Variants in TFAP2D observed in about 807,000 individuals in gnomAD.
TFAP2D encodes the protein transcription factor AP-2 delta, also known as transcription factor AP-2-delta.
Under a neutral mutation model 43.6 loss-of-function variants are expected in TFAP2D, and 9 were observed. That is an observed-to-expected ratio of 0.21 (90% CI 0.12 to 0.36). TFAP2D has a LOEUF of 0.36. TFAP2D is among the 10% of genes least tolerant of loss of function. TFAP2D has a pLI of 1.00. For synonymous variants in TFAP2D, 256 were observed against 224.9 expected, an observed-to-expected ratio of 1.14 and a Z score of -1.24; for missense variants, 513 against 561.4, an observed-to-expected ratio of 0.91 and a Z score of 0.87.
chr6:50,725,696 T>A (rs2114035161), intron 3 of TFAP2D, among the ~76,000 whole-genome samples: 1 of 152,302 alleles, frequency 6.6e-6, no homozygotes, highest in Admixed American at 6.5e-5. Flanking sequence ...TTACCATCTG[T>A]AGTCTGGATT....
At chr6:50,729,521 C>G (rs563843268) in intron 5 of TFAP2D, among the ~76,000 whole-genome samples, 2 of 152,226 alleles carry the variant, frequency 1.3e-5, no homozygotes, top group East Asian at 3.9e-4. Flanking sequence ...ATTTACTAAT[C>G]TTGGTAGTAA....
At chr6:50,743,478 G>A (rs1237523738) in intron 5 of TFAP2D, among the ~76,000 whole-genome samples, 1 of 151,932 alleles carries the variant, frequency 6.6e-6, no homozygotes, top group African/African-American at 2.4e-5. Context: ...ACTTCATGGT[G>A]TCAAGCAATC....
chr6:50,751,042 C>T, intron 6 of TFAP2D, among the ~76,000 whole-genome samples, 169 bp from the exon 7 acceptor site: 1 of 151,940 alleles, frequency 6.6e-6, no homozygotes, highest in East Asian at 1.9e-4. Context: ...AGCAAAGTCA[C>T]CATTATGAAA....
chr6:50,749,034 T>G (rs942236945), intron 6 of TFAP2D, among the ~76,000 whole-genome samples: 1 of 151,812 alleles, frequency 6.6e-6, no homozygotes, highest in Non-Finnish European at 1.5e-5. Context: ...AGGAAAGTAG[T>G]CATAAAATCA....
chr6:50,771,595 T>C (rs1769529426), intron 7 of TFAP2D, among the ~76,000 whole-genome samples: 1 of 152,190 alleles, frequency 6.6e-6, no homozygotes, highest in Admixed American at 6.5e-5. Flanking sequence ...AATCTAAAGG[T>C]GTGTTTTCCA....
At chr6:50,767,658 G>A (rs890392413) in intron 7 of TFAP2D, among the ~76,000 whole-genome samples, 26 of 152,284 alleles carry the variant, frequency 1.7e-4, no homozygotes, top group African/African-American at 1.7e-4. Context: ...CAAAGAAATT[G>A]TGAGTTTCTT....
At chr6:50,737,111 G>C (rs1768975169) in intron 5 of TFAP2D, among the ~76,000 whole-genome samples, 1 of 152,056 alleles carries the variant, frequency 6.6e-6, no homozygotes, top group South Asian at 2.1e-4. Context: ...CTCCTGAGTA[G>C]CTGAGACCAC....
At position 50,743,619 on chromosome 6, in the gene TFAP2D, A is replaced by G. The variant is rs74731117; in HGVS notation, c.884-1488A>G. 6.2e-3 allele frequency among the ~76,000 whole-genome samples: 949 copies of G among 152,178 alleles called. 3 individuals are homozygous for G. Among genetic ancestry groups the G allele is most frequent in the Non-Finnish European group, 0.011 (721 of 68,006 alleles). ...AGGCTGGTCTTGAACTCCTGGGCTC[A>G]AGGGGTTCTCCCGCTTCTGCCTCCC... On this transcript the variant is annotated intron_variant, in intron 5 of 7. Coordinates refer to ENST00000008391, the MANE Select transcript of TFAP2D (RefSeq NM_172238.4).
At chr6:50,746,234 T>C (rs1410309664) in intron 6 of TFAP2D, among the ~76,000 whole-genome samples, 1 of 151,840 alleles carries the variant, frequency 6.6e-6, no homozygotes, top group African/African-American at 2.4e-5. Flanking sequence ...GTATTTTGTT[T>C]GTTTGTTTGT....
intron 7 of TFAP2D, among the ~76,000 whole-genome samples, chr6:50,751,821 T>C (rs1769205109): frequency 6.6e-6 from 1 of 151,920 alleles, no homozygotes; most frequent in African/African-American, 2.4e-5. Flanking sequence ...TTTTTTAAAA[T>C]TCCAAGCTTG....
Position 50,713,999 on chromosome 6 carries a change from T to C in TFAP2D, c.-57T>C, listed in dbSNP as rs912134437. ...AATACAAGAAGTTTGGATTTTTTTTTCCCGATTCTTTTTTTGGAGGGGGAA... is the reference window on the plus strand; with the variant it reads ...AATACAAGAAGTTTGGATTTTTTTTCCCCGATTCTTTTTTTGGAGGGGGAA... On this transcript the variant is annotated 5_prime_UTR_variant, in exon 1 of 8. Transcript: ENST00000008391. 5.3e-5 allele frequency: 86 copies of C among 1,607,534 alleles called. No homozygotes were observed. Among genetic ancestry groups the C allele is most frequent in the Admixed American group, 1.0e-4 (6 of 58,808 alleles).
chr6:50,737,585 A>G (rs1471955085), intron 5 of TFAP2D, among the ~76,000 whole-genome samples: 3 of 152,158 alleles, frequency 2.0e-5, no homozygotes, highest in Non-Finnish European at 4.4e-5. Context: ...GAAGAAAACA[A>G]ATGTTATTAG....
intron 3 of TFAP2D, among the ~76,000 whole-genome samples, chr6:50,719,792 T>C (rs1476316679): frequency 1.3e-5 from 2 of 152,180 alleles, no homozygotes; most frequent in East Asian, 1.9e-4. Context: ...AGCTTTCTTG[T>C]TCCCATCTGT....
At chr6:50,717,110 T>C (rs1268869187) in intron 2 of TFAP2D, among the ~76,000 whole-genome samples, 1 of 152,212 alleles carries the variant, frequency 6.6e-6, no homozygotes, top group Non-Finnish European at 1.5e-5. Flanking sequence ...CTAAAACCTA[T>C]TTACTCCTTT....
intron 6 of TFAP2D, among the ~76,000 whole-genome samples, chr6:50,750,305 C>T (rs530345020): frequency 6.6e-6 from 1 of 151,828 alleles, no homozygotes; most frequent in Non-Finnish European, 1.5e-5. Context: ...ATTGTAAAAA[C>T]AGACAAAAAA....
chr6:50,728,871 T>G lies in TFAP2D; in HGVS notation c.614T>G (p.Val205Gly). 6.2e-7 allele frequency: 1 copy of G among 1,613,970 alleles called. No individual in the cohort carries two copies. The highest frequency in any genetic ancestry group is 8.5e-7 in the Non-Finnish European group (1 of 1,179,886). The change falls in exon 4 of 8, where the codon GTC (valine) becomes GGC (glycine). Residue 205 changes from valine to glycine, a missense_variant. By Grantham distance (109) the Val-to-Gly change is moderately radical. This residue lies in a region of TFAP2D where 311 missense variants were observed against 316.2 expected (regional missense o/e 0.98). Transcript: ENST00000008391. Reference sequence around the variant, plus strand: ...TTCTCCCAAGGTGGCACCTGTGTGGTCAACCCCACAGACTTATTTTGCTCT... The same window carrying G: ...TTCTCCCAAGGTGGCACCTGTGTGGGCAACCCCACAGACTTATTTTGCTCT... ...GVIRRGGTCV[V>G]NPTDLFCSVP...
intron 7 of TFAP2D, among the ~76,000 whole-genome samples, chr6:50,758,285 C>G (rs557251344): frequency 1.3e-5 from 2 of 152,016 alleles, no homozygotes; most frequent in South Asian, 4.2e-4. Context: ...TCCTACTCTC[C>G]TTCAATATTT....
chr6:50,714,988 C>G (rs1430636631), intron 1 of TFAP2D, 128 bp from the exon 2 acceptor site: 7 of 1,287,926 alleles, frequency 5.4e-6, no homozygotes, highest in Non-Finnish European at 7.4e-6. Context: ...CGGCTCGGCC[C>G]GAGTCCTACG....
At chr6:50,750,832 T>C (rs1769190649) in intron 6 of TFAP2D, among the ~76,000 whole-genome samples, 2 of 152,056 alleles carry the variant, frequency 1.3e-5, no homozygotes, top group Non-Finnish European at 2.9e-5. Flanking sequence ...ACTGTAACTT[T>C]AATTAAATTT....
Sources: allele counts gnomAD v4.1 joint callset (sites outside exome capture counted in the v4.1 genomes callset), GRCh38; gene constraint gnomAD v4.1.1; regional missense constraint gnomAD v4.1.1; transcripts MANE v1.5; gene names NCBI Gene and HGNC (gene_info 2026-07-23, HGNC 2026-07-21).